The following XKR6 variants were observed in gnomAD, a reference collection of about 807,000 sequenced individuals.
XKR6 encodes XK-related protein 6.
Under a neutral mutation model 56.7 loss-of-function variants are expected in XKR6, and 22 were observed. That is an observed-to-expected ratio of 0.39 (90% CI 0.28 to 0.55). The LOEUF is 0.55. XKR6 is among the 20% of genes least tolerant of loss of function. The pLI is 0.66. For synonymous variants in XKR6, 524 were observed against 387.8 expected, an observed-to-expected ratio of 1.35 and a Z score of -4.13; for missense variants, 852 against 889.0, an observed-to-expected ratio of 0.96 and a Z score of 0.53.
intron 1 of XKR6, chr8:11,062,531 C>A: frequency 2.8e-6 from 1 of 355,590 alleles, no homozygotes; most frequent in Non-Finnish European, 5.5e-6. Flanking sequence ...TCTACCTGCC[C>A]GATCCAGCAA....
At chr8:11,080,380 A>AG (rs200124273) in intron 1 of XKR6, among the ~76,000 whole-genome samples, 3 of 150,764 alleles carry the variant, frequency 2.0e-5, no homozygotes, top group Non-Finnish European at 4.4e-5. Context: ...GGGGAAGGAG[A>AG]AAAAAAAAAG....
intron 1 of XKR6, among the ~76,000 whole-genome samples, chr8:11,078,182 A>G (rs1335494120): frequency 6.6e-6 from 1 of 152,218 alleles, no homozygotes; most frequent in African/African-American, 2.4e-5. Flanking sequence ...TTCATTTGGA[A>G]GGATGAAGTA....
chr8:11,029,113 T>C (rs989615007), intron 1 of XKR6, among the ~76,000 whole-genome samples: 5 of 152,142 alleles, frequency 3.3e-5, no homozygotes, highest in Non-Finnish European at 7.4e-5. Flanking sequence ...TGTCGTAGGC[T>C]CTGCTCTTTC....
At chr8:10,978,802 G>A (rs1054351129) in intron 1 of XKR6, among the ~76,000 whole-genome samples, 9 of 152,148 alleles carry the variant, frequency 5.9e-5, no homozygotes, top group African/African-American at 1.7e-4. Flanking sequence ...GCTGACGCAC[G>A]GCCTTGTCCC....
rs569049026 is a variant in XKR6 at position 11,136,461 on chromosome 8, G to A, written c.764+64115C>T. 1.0e-3 allele frequency among the ~76,000 whole-genome samples: 154 copies of A among 147,016 alleles called. No homozygotes were observed. In the Middle Eastern group the frequency reaches 0.011, roughly 11 times the overall value. On this transcript the variant is annotated intron_variant, in intron 1 of 2. Coordinates refer to ENST00000416569, the MANE Select transcript of XKR6 (RefSeq NM_173683.4). ...GGAGGTTGTGGTGAGCCAAGATTGC[G>A]CCATTGCACTCCAGCCCGGGCAACA...
intron 1 of XKR6, among the ~76,000 whole-genome samples, chr8:11,180,413 T>A (rs1046319908): frequency 6.6e-6 from 1 of 152,176 alleles, no homozygotes. Context: ...GTAAGTTTAG[T>A]ATCACCCTTG....
intron 1 of XKR6, among the ~76,000 whole-genome samples, chr8:11,005,841 T>C (rs370862452): frequency 1.6e-3 from 231 of 141,796 alleles, no homozygotes; most frequent in Non-Finnish European, 3.0e-3. Context: ...TTTCTTTCTT[T>C]CTTTTTTTTT....
chr8:11,135,899 C>G (rs1322439341), intron 1 of XKR6, among the ~76,000 whole-genome samples: 1 of 151,684 alleles, frequency 6.6e-6, no homozygotes, highest in East Asian at 1.9e-4. Context: ...ATATTTCTCC[C>G]AAAATGCAAA....
chr8:11,043,563 C>T (rs1050050970), intron 1 of XKR6, among the ~76,000 whole-genome samples: 1 of 152,248 alleles, frequency 6.6e-6, no homozygotes. Flanking sequence ...AGGGCAGGCA[C>T]TGGGTCTTGC....
At chr8:10,922,948 G>A (rs1384793064) in intron 2 of XKR6, among the ~76,000 whole-genome samples, 1 of 152,196 alleles carries the variant, frequency 6.6e-6, no homozygotes, top group African/African-American at 2.4e-5. Context: ...CTAGGCCACG[G>A]TTGCTCATCC....
At chr8:11,196,463 A>AC (rs1444459211) in intron 1 of XKR6, among the ~76,000 whole-genome samples, 1 of 152,304 alleles carries the variant, frequency 6.6e-6, no homozygotes, top group Non-Finnish European at 1.5e-5. Context: ...ACCAAAAAAA[A>AC]CAGAAAACAT....
chr8:11,137,321 G>C, intron 1 of XKR6: 2 of 319,704 alleles, frequency 6.3e-6, no homozygotes, highest in South Asian at 2.6e-5. Context: ...ACATATCAGA[G>C]CATAAGTGAG....
intron 1 of XKR6, among the ~76,000 whole-genome samples, chr8:11,051,507 C>T (rs73198903): frequency 1.4e-4 from 22 of 152,070 alleles, no homozygotes; most frequent in African/African-American, 5.1e-4. Flanking sequence ...GCTTCCCCAG[C>T]GGAGTAAAGG....
chr8:10,902,468 C>T (rs1800063866), intron 2 of XKR6, among the ~76,000 whole-genome samples: 2 of 152,186 alleles, frequency 1.3e-5, no homozygotes, highest in African/African-American at 4.8e-5. Flanking sequence ...TGGCATGCTT[C>T]CTGCCATGTC....
intron 1 of XKR6, among the ~76,000 whole-genome samples, chr8:11,097,805 C>T (rs1412023742): frequency 1.2e-5 from 1 of 82,034 alleles, no homozygotes; most frequent in Non-Finnish European, 2.0e-5. Context: ...TAGACTCCAT[C>T]TCAAAAAAAA....
intron 1 of XKR6, among the ~76,000 whole-genome samples, chr8:11,059,395 G>A (rs1272045766): frequency 6.6e-6 from 1 of 152,226 alleles, no homozygotes; most frequent in Non-Finnish European, 1.5e-5. Flanking sequence ...CTGGAGCCGG[G>A]CTGGCGCCCG....
chr8:11,128,638 G>C (rs994081803), intron 1 of XKR6, among the ~76,000 whole-genome samples: 1 of 152,136 alleles, frequency 6.6e-6, no homozygotes, highest in African/African-American at 2.4e-5. Context: ...CTGTCCTAGA[G>C]TATAACCCTG....
In XKR6 at chr8:11,196,410, AAAGC is replaced by A. The variant is rs772766553; in HGVS notation, c.764+4162_764+4165del. Among the ~76,000 whole-genome samples, 1,242 of 151,806 alleles carry A rather than the reference AAAGC, an allele frequency of 8.2e-3. 15 individuals are homozygous for A. Among genetic ancestry groups the A allele is most frequent in the African/African-American group, 0.028 (1,166 of 41,066 alleles). On this transcript the variant is annotated intron_variant, in intron 1 of 2. Transcript: ENST00000416569. Reference sequence around the variant, plus strand: ...GAATGAGATTAATACTTGAGCTCAAAAAGCAAACAAAACAAAACAAAACAAAAAA... The same window carrying A: ...GAATGAGATTAATACTTGAGCTCAAAAAACAAAACAAAACAAAACAAAAAA...
chr8:10,911,270 T>C (rs1800353803), intron 2 of XKR6, among the ~76,000 whole-genome samples: 1 of 149,564 alleles, frequency 6.7e-6, no homozygotes. Context: ...AATATGTATA[T>C]ATATAGAGAG....
Sources: allele counts gnomAD v4.1 joint callset (sites outside exome capture counted in the v4.1 genomes callset), GRCh38; gene constraint gnomAD v4.1.1; transcripts MANE v1.5; gene names NCBI Gene and HGNC (gene_info 2026-07-23, HGNC 2026-07-21).